The following CD300LG variants were observed in gnomAD, a reference collection of about 807,000 sequenced individuals.
CD300LG encodes CMRF35-like molecule 9.
CD300LG carries 29 observed loss-of-function variants against 31.5 expected under a neutral mutation model. The observed-to-expected ratio is 0.92, with a 90% CI of 0.68 to 1.25. CD300LG has a LOEUF of 1.25. Among genes scored for constraint, CD300LG ranks in the 50% most tolerant of loss-of-function variants. The pLI, the probability that CD300LG is intolerant of heterozygous loss-of-function variation, is 0.00. For synonymous variants in CD300LG, 175 were observed against 177.2 expected (o/e 0.99, Z 0.10); for missense variants, 396 against 417.6 (o/e 0.95, Z 0.45).
At chr17:43,858,450 G>A (rs2046586748) in intron 6 of CD300LG, 1 of 985,344 alleles carries the variant, frequency 1.0e-6, no homozygotes, top group African/African-American at 1.7e-5. Context: ...CCATGCTACT[G>A]CCTTCTGGCA....
In CD300LG at chr17:43,857,147, C is replaced by T. The variant is rs776106812; in HGVS notation, c.876C>T (p.Leu292=). ...CACAGAGGAACGAGAAGTTCTGCCT[C>T]TCACGCTTGGTAAGGACAGAGGCAT... is the stretch of plus-strand genomic sequence containing the variant. ...TETQRNEKFC[L]SRLTAEEKEA... is the part of the protein sequence containing the mutation. Residue 292 remains leucine (L), a synonymous_variant, in exon 6 of 7, where the codon CTC becomes CTT. Coordinates refer to ENST00000317310, the MANE Select transcript of CD300LG (RefSeq NM_145273.4). 1.9e-6 allele frequency: 3 copies of T among 1,614,198 alleles called. No individual in the cohort carries two copies. The highest frequency in any genetic ancestry group is 2.5e-6 in the Non-Finnish European group (3 of 1,180,040).
intron 5 of CD300LG, 62 bp from the exon 6 acceptor site, chr17:43,857,042 G>A (rs1597712462): frequency 1.9e-6 from 3 of 1,562,746 alleles, no homozygotes; most frequent in Non-Finnish European, 2.6e-6. Flanking sequence ...TCTGGGAGCA[G>A]CTACAGGCCA....
chr17:43,860,072 A>G (rs1209157826), intron 6 of CD300LG, among the ~76,000 whole-genome samples: 5 of 152,124 alleles, frequency 3.3e-5, no homozygotes, highest in Non-Finnish European at 7.4e-5. Flanking sequence ...TGGCTCAAAC[A>G]TCTGCCTCTG....
intron 1 of CD300LG, 151 bp downstream of exon 1, chr17:43,847,410 T>G (rs1244754956): frequency 4.1e-6 from 3 of 723,168 alleles, no homozygotes; most frequent in Admixed American, 3.6e-5. Context: ...TGGGGGGAGG[T>G]GGGGGTGGCG....
At chr17:43,860,938 C>G (rs1423730055) in intron 6 of CD300LG, among the ~76,000 whole-genome samples, 1 of 152,206 alleles carries the variant, frequency 6.6e-6, no homozygotes, top group Non-Finnish European at 1.5e-5. Context: ...AGAGGTGAGA[C>G]AGCTTGTCCT....
intron 4 of CD300LG, 58 bp from the exon 5 acceptor site, chr17:43,855,149 G>C: frequency 8.2e-7 from 1 of 1,220,642 alleles, no homozygotes; most frequent in East Asian, 2.6e-5. Context: ...ACCCCCAAAG[G>C]ACATAGACTC....
intron 2 of CD300LG, 175 bp downstream of exon 2, chr17:43,849,068 C>T: frequency 6.4e-6 from 4 of 625,716 alleles, no homozygotes; most frequent in Non-Finnish European, 1.1e-5. Context: ...GAGTCTTGGC[C>T]ATTGTCTCAC....
chr17:43,854,195 C>T (rs1036104377), intron 4 of CD300LG, 151 bp downstream of exon 4: 6 of 651,148 alleles, frequency 9.2e-6, no homozygotes, highest in South Asian at 3.8e-5. Context: ...CTCACAGGGG[C>T]CCTTGAGCAG....
At chr17:43,848,500 C>T in intron 1 of CD300LG, 58 bp from the exon 2 acceptor site, 1 of 1,405,454 alleles carries the variant, frequency 7.1e-7, no homozygotes, top group Non-Finnish European at 9.9e-7. Context: ...AAGCTCTGGC[C>T]TTGACCTTGG....
Position 43,848,695 on chromosome 17 carries a change from T to G in CD300LG, c.181T>G (p.Cys61Gly), listed in dbSNP as rs1176291045. The G allele has an allele frequency of 4.3e-6, 7 of 1,614,038 alleles. No individual in the cohort carries two copies. Among genetic ancestry groups the G allele is most frequent in the Non-Finnish European group, 5.9e-6 (7 of 1,180,038 alleles). Residue 61 changes from cysteine (C) to glycine (G), a missense_variant, in exon 2 of 7, where the codon TGC becomes GGC. Physicochemically the swap from Cys to Gly is radical, Grantham distance 159. Transcript: ENST00000317310. Reference protein sequence around the residue: ...CRKGGILFSRCSGTIYAEEEG... With the variant: ...CRKGGILFSRGSGTIYAEEEG... ...GAAGGGTGGGATCCTCTTCTCTCGC[T>G]GCTCTGGCACCATCTATGCAGAAGA...
At chr17:43,857,393 C>T in intron 6 of CD300LG, 3 of 1,535,220 alleles carry the variant, frequency 2.0e-6, no homozygotes, top group Non-Finnish European at 2.6e-6. Flanking sequence ...CCGCCAGGTG[C>T]CAGGCAGGGT....
At chr17:43,859,878 T>C (rs2046617106) in intron 6 of CD300LG, among the ~76,000 whole-genome samples, 1 of 152,216 alleles carries the variant, frequency 6.6e-6, no homozygotes, top group Admixed American at 6.5e-5. Context: ...TGTGTTTCTT[T>C]TCTTTGGTAT....
At chr17:43,848,331 C>A (rs762070663) in intron 1 of CD300LG, among the ~76,000 whole-genome samples, 1 of 152,176 alleles carries the variant, frequency 6.6e-6, no homozygotes, top group African/African-American at 2.4e-5. Flanking sequence ...GAATCTAGAA[C>A]GCCACCCCTG....
Position 43,848,626 on chromosome 17 carries a change from A to C in CD300LG, c.112A>C (p.Thr38Pro). Residue 38 changes from threonine to proline, a missense_variant, in exon 2 of 7, where the codon ACC becomes CCC. Coordinates refer to ENST00000317310, the MANE Select transcript of CD300LG (RefSeq NM_145273.4). ...AGGGGACACTGTGTCCCTGCAGTGC[A>C]CCTACAGGGAAGAGCTGAGGGACCA... The part of the protein sequence containing the change: ...FEGDTVSLQC[T>P]YREELRDHRK... 6.2e-7 allele frequency: 1 copy of C among 1,613,954 alleles called. No homozygotes were observed. Among genetic ancestry groups the C allele is most frequent in the Non-Finnish European group, 8.5e-7 (1 of 1,179,888 alleles).
intron 4 of CD300LG, among the ~76,000 whole-genome samples, chr17:43,854,657 A>G (rs564212981): frequency 4.6e-5 from 7 of 152,106 alleles, no homozygotes; most frequent in Non-Finnish European, 1.0e-4. Context: ...GATGCCCCAC[A>G]TGCCAGTGAC....
At chr17:43,855,633 C>A (rs2046497868) in intron 5 of CD300LG, 1 of 217,838 alleles carries the variant, frequency 4.6e-6, no homozygotes, top group African/African-American at 2.3e-5. Context: ...GAACCAACTG[C>A]CAGGGGCAGT....
chr17:43,857,430 T>G lies in CD300LG; in HGVS notation c.885+274T>G, dbSNP rs1437236092. The G allele has an allele frequency of 2.0e-6, 3 of 1,537,020 alleles. No homozygotes were observed. The African/African-American group carries it at 4.1e-5, about 21-fold the overall frequency. On this transcript the variant is annotated intron_variant, in intron 6 of 6. Coordinates refer to ENST00000317310, the MANE Select transcript of CD300LG (RefSeq NM_145273.4). Reference sequence around the variant, plus strand: ...GGCTCCAGGAGCCATGTGAGCATCTTCTCCAGGCGCCTTCTTTCCATCCCC... The same window carrying G: ...GGCTCCAGGAGCCATGTGAGCATCTGCTCCAGGCGCCTTCTTTCCATCCCC...
intron 6 of CD300LG, chr17:43,858,438 TC>T (rs2046586497): frequency 1.0e-6 from 1 of 985,292 alleles, no homozygotes; most frequent in African/African-American, 1.7e-5. Context: ...CAGCCACAGC[TC>T]CCATGCTACT....
intron 5 of CD300LG, among the ~76,000 whole-genome samples, chr17:43,856,259 T>C (rs1044677156): frequency 2.6e-5 from 4 of 152,248 alleles, no homozygotes; most frequent in African/African-American, 9.6e-5. Flanking sequence ...TAACATGAAG[T>C]AGTCACATTT....
Sources: allele counts gnomAD v4.1 joint callset (sites outside exome capture counted in the v4.1 genomes callset), GRCh38; gene constraint gnomAD v4.1.1; transcripts MANE v1.5; gene names NCBI Gene and HGNC (gene_info 2026-07-23, HGNC 2026-07-21).